The following EYS variants were observed in gnomAD, a reference collection of about 807,000 sequenced individuals.
EYS encodes the protein protein eyes shut homolog.
In EYS, 250 loss-of-function variants were observed where a neutral mutation model predicts 282.1. The ratio of observed to expected loss-of-function variants is 0.89; its 90% CI spans 0.80 to 0.98. The LOEUF is 0.98. Among genes scored for constraint, EYS ranks in the 50% least tolerant of loss-of-function variants. EYS has a pLI of 0.00. For missense variants in EYS, 4,016 were observed against 3,709.0 expected (o/e 1.08, Z -2.15); for synonymous variants, 1,355 against 1,282.9 (o/e 1.06, Z -1.20).
chr6:64,926,983 T>C (rs1212618717), intron 15 of EYS, among the ~76,000 whole-genome samples: 1 of 152,148 alleles, frequency 6.6e-6, no homozygotes, highest in Admixed American at 6.6e-5. Context: ...CATTCTGAAG[T>C]CAAAGAAGAA....
At chr6:64,753,592 C>T (rs1772836260) in intron 22 of EYS, among the ~76,000 whole-genome samples, 1 of 150,560 alleles carries the variant, frequency 6.6e-6, no homozygotes, top group Non-Finnish European at 1.5e-5. Context: ...TATATCCACC[C>T]ATCACCAGAG....
intron 31 of EYS, among the ~76,000 whole-genome samples, chr6:64,140,696 C>T (rs1774313037): frequency 6.6e-6 from 1 of 152,178 alleles, no homozygotes; most frequent in African/African-American, 2.4e-5. Context: ...CCTTTCTACA[C>T]AGCTGGCTCT....
chr6:65,093,359 A>G (rs1329811456), intron 12 of EYS, among the ~76,000 whole-genome samples: 1 of 152,046 alleles, frequency 6.6e-6, no homozygotes, highest in Non-Finnish European at 1.5e-5. Context: ...ATGTAAATAC[A>G]TAGAAAAAAC....
At chr6:64,937,393 T>C (rs992816464) in intron 15 of EYS, among the ~76,000 whole-genome samples, 1 of 151,560 alleles carries the variant, frequency 6.6e-6, no homozygotes, top group Non-Finnish European at 1.5e-5. Context: ...CAAATCATAT[T>C]TGATAATTGG....
intron 2 of EYS, among the ~76,000 whole-genome samples, chr6:65,534,239 T>C (rs1488792894): frequency 6.6e-6 from 1 of 152,164 alleles, no homozygotes; most frequent in Non-Finnish European, 1.5e-5. Flanking sequence ...GCGTGCTATC[T>C]AGATTTTTAA....
rs1765090542 is a variant in EYS at position 63,937,340 on chromosome 6, CTTTTCTTTTTTTTTTTTTTTTTTT to C, written c.7055+47019_7055+47042del. ...AGATCCAAATTTTCTAGGCTTCTCT[CTTTTCTTTTTTTTTTTTTTTTTTT>C]TTTTTTTTTTTTTTTTTTTTTTTTT... On this transcript the variant is annotated intron_variant, in intron 35 of 42. Transcript: ENST00000503581. Among the ~76,000 whole-genome samples, 63 of 46,086 alleles carry C rather than the reference CTTTTCTTTTTTTTTTTTTTTTTTT, an allele frequency of 1.4e-3. 3 individuals are homozygous for C. The highest frequency in any genetic ancestry group is 4.4e-3 in the East Asian group (8 of 1,824). The allele number at this position is 46,086 out of a possible 152,430, so 30.2% of individuals were successfully genotyped here. A position where few individuals can be genotyped will look rare whatever the true frequency, so the allele number is the denominator to read the frequency against.
chr6:65,611,825 T>C (rs895955497), intron 2 of EYS, among the ~76,000 whole-genome samples: 1 of 152,024 alleles, frequency 6.6e-6, no homozygotes, highest in Non-Finnish European at 1.5e-5. Context: ...TGCCTCATCA[T>C]CAGGATCGTT....
intron 22 of EYS, among the ~76,000 whole-genome samples, chr6:64,760,126 G>C (rs1773110710): frequency 6.6e-6 from 1 of 152,108 alleles, no homozygotes; most frequent in South Asian, 2.1e-4. Flanking sequence ...AGGATAATTT[G>C]ATGCAGGCCA....
At chr6:64,661,022 C>T (rs1768992680) in intron 22 of EYS, among the ~76,000 whole-genome samples, 1 of 152,182 alleles carries the variant, frequency 6.6e-6, no homozygotes, top group African/African-American at 2.4e-5. Flanking sequence ...AAGCATGTTA[C>T]TGGTACCAAA....
chr6:65,002,314 G>C lies in EYS; in HGVS notation c.2138-4611C>G. On this transcript the variant is annotated intron_variant, in intron 13 of 42. Transcript: ENST00000503581. ...TTCAGAAATTTTAAAATACAATCTT[G>C]GAAGTGCCAAAATCTGGAACAAAAA... 1.4e-5 allele frequency among the ~76,000 whole-genome samples: 2 copies of C among 147,248 alleles called. 1 individual carries two copies. The highest frequency in any genetic ancestry group is 3.0e-5 in the Non-Finnish European group (2 of 65,878).
At chr6:65,226,130 TAAA>T (rs1372358728) in intron 12 of EYS, among the ~76,000 whole-genome samples, 1 of 151,998 alleles carries the variant, frequency 6.6e-6, no homozygotes, top group Non-Finnish European at 1.5e-5. Flanking sequence ...TTAAGAATAG[TAAA>T]AAAATCTATT....
chr6:65,534,475 T>C (rs1767894634), intron 2 of EYS, among the ~76,000 whole-genome samples: 1 of 152,016 alleles, frequency 6.6e-6, no homozygotes, highest in Non-Finnish European at 1.5e-5. Flanking sequence ...GGCCAGACCA[T>C]ATATGAAAGT....
At chr6:65,401,531 A>G (rs1766497495) in intron 7 of EYS, among the ~76,000 whole-genome samples, 1 of 151,918 alleles carries the variant, frequency 6.6e-6, no homozygotes, top group African/African-American at 2.4e-5. Flanking sequence ...ATGAATTAAT[A>G]TACAATTGAA....
At chr6:64,312,365 T>C (rs977476291) in intron 29 of EYS, among the ~76,000 whole-genome samples, 3 of 152,066 alleles carry the variant, frequency 2.0e-5, no homozygotes, top group South Asian at 2.1e-4. Context: ...TCTGAACAAA[T>C]GGTATCAGCC....
chr6:65,389,192 C>T (rs1165725503), intron 7 of EYS, among the ~76,000 whole-genome samples: 1 of 152,102 alleles, frequency 6.6e-6, no homozygotes, highest in African/African-American at 2.4e-5. Context: ...AGCAACACTG[C>T]AATACTTGCC....
At chr6:64,650,250 G>A (rs187512021) in intron 22 of EYS, among the ~76,000 whole-genome samples, 1 of 151,916 alleles carries the variant, frequency 6.6e-6, no homozygotes, top group East Asian at 1.9e-4. Context: ...TAAAAATTAA[G>A]TAAACTAAAT....
rs140533421 is a variant in EYS at position 64,237,773 on chromosome 6, T to A, written c.6192-6949A>T. 9.3e-3 allele frequency among the ~76,000 whole-genome samples: 1,410 copies of A among 152,248 alleles called. 27 individuals are homozygous for A. Among genetic ancestry groups the A allele is most frequent in the African/African-American group, 0.031 (1,297 of 41,540 alleles). ...TAATAACTTTGAAAATAATTAATCA[T>A]TGCAAATTTTATGAGAGCAAAGCAA... On this transcript the variant is annotated intron_variant, in intron 30 of 42. Transcript: ENST00000503581.
chr6:65,361,732 C>T (rs1582187297), intron 8 of EYS, among the ~76,000 whole-genome samples: 1 of 152,096 alleles, frequency 6.6e-6, no homozygotes, highest in African/African-American at 2.4e-5. Context: ...CTGTCCATTT[C>T]AGCCTCCCAA....
At chr6:64,363,314 T>C (rs1321592970) in intron 29 of EYS, among the ~76,000 whole-genome samples, 2 of 151,782 alleles carry the variant, frequency 1.3e-5, no homozygotes, top group South Asian at 2.1e-4. Flanking sequence ...CATTGGACAG[T>C]TGGCAAAAAA....
Sources: allele counts gnomAD v4.1 joint callset (sites outside exome capture counted in the v4.1 genomes callset), GRCh38; gene constraint gnomAD v4.1.1; transcripts MANE v1.5; gene names NCBI Gene and HGNC (gene_info 2026-07-23, HGNC 2026-07-21).